The following ANK3 variants were observed in gnomAD, a reference collection of about 807,000 sequenced individuals.
ANK3 encodes the protein ankyrin 3, also known as ankyrin-3.
In ANK3, 57 loss-of-function variants were observed where a neutral mutation model predicts 370.9. That is an observed-to-expected ratio of 0.15 (90% CI 0.12 to 0.19). The LOEUF (loss-of-function observed/expected upper bound fraction) is 0.19. ANK3 is among the 10% of genes least tolerant of loss of function. The probability of loss-of-function intolerance (pLI) is 1.00; values close to 1 mark genes in which losing one functional copy is unlikely to be tolerated. For synonymous variants in ANK3, 1,929 were observed against 1,946.3 expected (o/e 0.99, Z 0.23); for missense variants, 4,439 against 5,302.1 (o/e 0.84, Z 5.06).
chr10:60,071,151 G>A lies in ANK3; in HGVS notation c.9730C>T (p.Pro3244Ser), dbSNP rs368175435. Residue 3244 changes from proline to serine, a missense_variant, in exon 37 of 44, where the codon CCC becomes TCC. Around this residue, in one of 13 missense-constraint regions of ANK3, gnomAD observed 1,601 missense variants for 1,731.7 expected, o/e 0.92. Transcript: ENST00000280772. Reference protein sequence around the residue: ...NDVSKDSNQRPKNNRVAYIEF... With the variant: ...NDVSKDSNQRSKNNRVAYIEF... ...ATATAGGCAACTCTGTTATTTTTGG[G>A]TCTTTGGTTAGAGTCTTTGCTCACG... 4.3e-6 allele frequency: 7 copies of A among 1,613,956 alleles called. No homozygotes were observed. Among genetic ancestry groups the A allele is most frequent in the Non-Finnish European group, 5.9e-6 (7 of 1,180,002 alleles).
chr10:60,421,779 G>T (rs1164062832), intron 2 of ANK3, among the ~76,000 whole-genome samples: 3 of 152,096 alleles, frequency 2.0e-5, no homozygotes, highest in East Asian at 3.9e-4. Flanking sequence ...CTCTTACATT[G>T]TAAACACAGC....
chr10:60,380,720 A>G (rs1397326755), intron 1 of ANK3, among the ~76,000 whole-genome samples: 1 of 152,184 alleles, frequency 6.6e-6, no homozygotes, highest in Non-Finnish European at 1.5e-5. Flanking sequence ...CAATAAAAAA[A>G]TCACAGAGGG....
intron 34 of ANK3, 173 bp downstream of exon 34, chr10:60,082,442 A>C: frequency 1.1e-6 from 1 of 907,196 alleles, no homozygotes; most frequent in South Asian, 1.8e-5. Context: ...CATCATACAA[A>C]CTATAAGAAT....
chr10:60,412,773 T>C (rs1342591408), intron 2 of ANK3, among the ~76,000 whole-genome samples: 1 of 150,870 alleles, frequency 6.6e-6, no homozygotes, highest in African/African-American at 2.5e-5. Flanking sequence ...GCAACAAACA[T>C]TTTACTGATT....
Position 60,687,527 on chromosome 10 carries a change from T to TA in ANK3, c.57+45735dup, listed in dbSNP as rs143949141. Among the ~76,000 whole-genome samples the TA allele has an allele frequency of 1.0e-4, 15 of 146,886 alleles. No individual in the cohort carries two copies. In the South Asian group the frequency reaches 2.7e-3, roughly 27 times the overall value. Reference sequence around the variant, plus strand: ...CCGCCTCACATGCATTAGGCTGGTATAAAAAAAAACACACACACACACACA... The same window carrying TA: ...CCGCCTCACATGCATTAGGCTGGTATAAAAAAAAAACACACACACACACACA... On this transcript the variant is annotated intron_variant, in intron 1 of 43. Transcript: ENST00000373827.
intron 1 of ANK3, among the ~76,000 whole-genome samples, chr10:60,306,922 C>T (rs141227918): frequency 2.8e-4 from 43 of 152,232 alleles, no homozygotes; most frequent in African/African-American, 9.6e-4. Flanking sequence ...TTTGTATAGA[C>T]AGGGTCTATG....
chr10:60,234,866 T>A, intron 7 of ANK3, 80 bp from the exon 8 acceptor site: 1 of 798,280 alleles, frequency 1.3e-6, no homozygotes, highest in South Asian at 1.5e-5. Context: ...CCCCAACATA[T>A]CCCCATTTCC....
intron 13 of ANK3, 68 bp downstream of exon 13, chr10:60,200,061 C>T: frequency 7.8e-7 from 1 of 1,284,458 alleles, no homozygotes; most frequent in Non-Finnish European, 1.1e-6. Flanking sequence ...CATGTATATA[C>T]TTAAAAGTTT....
At chr10:60,569,743 C>T (rs891054077) in intron 2 of ANK3, among the ~76,000 whole-genome samples, 4 of 152,108 alleles carry the variant, frequency 2.6e-5, no homozygotes, top group Non-Finnish European at 4.4e-5. Flanking sequence ...TTTCTGAAAA[C>T]ACTCAACACC....
chr10:60,621,437 C>A (rs2078335627), intron 1 of ANK3, among the ~76,000 whole-genome samples: 1 of 152,176 alleles, frequency 6.6e-6, no homozygotes, highest in Admixed American at 6.5e-5. Flanking sequence ...TTTAAACACA[C>A]TTGAATAAAT....
chr10:60,332,820 A>T (rs1440045471), intron 1 of ANK3, among the ~76,000 whole-genome samples: 1 of 152,222 alleles, frequency 6.6e-6, no homozygotes, highest in Non-Finnish European at 1.5e-5. Context: ...CCAAGAATCG[A>T]TGCTTTAAGA....
At chr10:60,523,348 T>A (rs1006319655) in intron 2 of ANK3, among the ~76,000 whole-genome samples, 4 of 151,424 alleles carry the variant, frequency 2.6e-5, no homozygotes, top group African/African-American at 9.7e-5. Flanking sequence ...CATTAACTCA[T>A]TATTTAGCAT....
chr10:60,604,260 T>C (rs117339800), intron 2 of ANK3, among the ~76,000 whole-genome samples: 3,400 of 152,284 alleles, frequency 0.022, 49 homozygotes, highest in Non-Finnish European at 0.033. Flanking sequence ...AAAAGCAGTA[T>C]TGTGACATCA....
intron 2 of ANK3, among the ~76,000 whole-genome samples, chr10:60,458,281 A>C (rs1169971174): frequency 6.6e-6 from 1 of 152,136 alleles, no homozygotes; most frequent in Non-Finnish European, 1.5e-5. Context: ...TCATATTGCC[A>C]TCAAAGTAAC....
intron 1 of ANK3, among the ~76,000 whole-genome samples, chr10:60,718,588 A>G (rs2079821276): frequency 6.6e-6 from 1 of 152,164 alleles, no homozygotes; most frequent in Non-Finnish European, 1.5e-5. Flanking sequence ...CCAACATCTC[A>G]ACAAAAACTA....
At chr10:60,302,206 A>G (rs1691171341) in intron 1 of ANK3, among the ~76,000 whole-genome samples, 1 of 152,170 alleles carries the variant, frequency 6.6e-6, no homozygotes, top group African/African-American at 2.4e-5. Flanking sequence ...GATAAATACT[A>G]TGGGAATAAA....
intron 1 of ANK3, among the ~76,000 whole-genome samples, chr10:60,647,651 T>C (rs1234086323): frequency 6.6e-6 from 1 of 151,682 alleles, no homozygotes. Flanking sequence ...TAATATGTCC[T>C]GTATGGACCT....
chr10:60,415,993 A>G (rs929510540), intron 2 of ANK3, among the ~76,000 whole-genome samples: 1 of 140,992 alleles, frequency 7.1e-6, no homozygotes, highest in South Asian at 2.4e-4. Flanking sequence ...GGCCTTTGGA[A>G]GGTGATTAAG....
chr10:60,668,551 T>A (rs1164277512), intron 1 of ANK3, among the ~76,000 whole-genome samples: 1 of 152,176 alleles, frequency 6.6e-6, no homozygotes, highest in Non-Finnish European at 1.5e-5. Flanking sequence ...ATCATAGGGA[T>A]ATTACTCATT....
Sources: gnomAD v4.1 joint callset for allele counts (sites outside exome capture counted in the v4.1 genomes callset) on GRCh38, gnomAD v4.1.1 for gene constraint, gnomAD v4.1.1 regional missense constraint, MANE v1.5 for transcripts, NCBI Gene and HGNC (gene_info 2026-07-23, HGNC 2026-07-21) for gene names.